Variants in PDXDC1 observed in about 807,000 individuals in gnomAD.
The protein encoded by PDXDC1 is pyridoxal-dependent decarboxylase domain-containing protein 1.
A neutral mutation model predicts 100.1 loss-of-function variants in PDXDC1; 42 were observed. The observed-to-expected ratio is 0.42, with a 90% CI of 0.33 to 0.54. PDXDC1 has a LOEUF of 0.54. PDXDC1 is among the 20% of genes least tolerant of loss of function. PDXDC1 has a pLI of 0.10. For synonymous variants in PDXDC1, 260 were observed against 371.7 expected (o/e 0.70, Z 3.46); for missense variants, 636 against 979.2 (o/e 0.65, Z 4.68).
At chr16:15,140,875 G>A (rs1201837346), downstream of PDXDC1, among the ~76,000 whole-genome samples, 1 of 152,018 alleles carries the variant, frequency 6.6e-6, no homozygotes, top group Non-Finnish European at 1.5e-5. Context: ...CTGCTCCCCA[G>A]GACCCCGAGA....
intron 1 of PDXDC1, among the ~76,000 whole-genome samples, chr16:14,983,368 C>T (rs776076162): frequency 3.9e-4 from 60 of 152,296 alleles, no homozygotes; most frequent in African/African-American, 1.2e-3. Context: ...GTCAGGAGAT[C>T]GAGGCCATCA....
At position 15,036,415 on chromosome 16, in the gene PDXDC1, T is replaced by A; in HGVS notation, c.*140T>A. The A allele has an allele frequency of 1.2e-6, 1 of 819,506 alleles. No homozygotes were observed. Among genetic ancestry groups the A allele is most frequent in the Non-Finnish European group, 1.9e-6 (1 of 520,558 alleles). The allele number at this position is 819,506 out of a possible 1,614,324, so 50.8% of individuals were successfully genotyped here. A position where few individuals can be genotyped will look rare whatever the true frequency, so the allele number is the denominator to read the frequency against. ...TGGGATTTTGGCACAAATATGTGCC[T>A]GAAAGGTAGGCTTTCTAGGAGGGGA... is the stretch of plus-strand genomic sequence containing the variant. On this transcript the variant is annotated 3_prime_UTR_variant, in exon 23 of 23. Transcript: ENST00000396410.
intron 16 of PDXDC1, chr16:15,061,899 C>T: frequency 1.2e-6 from 2 of 1,611,208 alleles, no homozygotes; most frequent in Non-Finnish European, 1.7e-6. Context: ...TCATCTTCCA[C>T]TATGTCCTGC....
In PDXDC1 at chr16:15,093,787, G is replaced by A. The variant is rs113430477; in HGVS notation, c.1400-45092G>A. Among the ~76,000 whole-genome samples the A allele has an allele frequency of 1.7e-3, 260 of 152,240 alleles. 1 individual carries two copies. The highest frequency in any genetic ancestry group is 4.9e-3 in the African/African-American group (202 of 41,542). On this transcript the variant is annotated intron_variant, in intron 16 of 16. Coordinates refer to the PDXDC1 transcript ENST00000535621. ...TAATATTCAATTTGCCATGAGTGAC[G>A]ACGTTCGGCTGATAACCCACATAGC...
chr16:15,068,474 A>AT (rs2045075504), intron 16 of PDXDC1, among the ~76,000 whole-genome samples: 1 of 152,206 alleles, frequency 6.6e-6, no homozygotes, highest in Admixed American at 6.5e-5. Context: ...AACCACATTC[A>AT]TTGGTCACCA....
chr16:15,007,759 T>G (rs918561514), intron 6 of PDXDC1, among the ~76,000 whole-genome samples: 1 of 152,270 alleles, frequency 6.6e-6, no homozygotes, highest in Non-Finnish European at 1.5e-5. Flanking sequence ...AAACGTGAAA[T>G]GAATTACTTA....
In PDXDC1 at chr16:15,119,408, A is replaced by ATT. The variant is rs1203506902; in HGVS notation, c.1400-19464_1400-19463dup. 1.2e-3 allele frequency among the ~76,000 whole-genome samples: 168 copies of ATT among 139,588 alleles called. 1 individual carries two copies. Among genetic ancestry groups the ATT allele is most frequent in the Middle Eastern group, 4.1e-3 (1 of 244 alleles). The allele number at this position is 139,588 out of a possible 152,430, so 91.6% of individuals were successfully genotyped here. A position where few individuals can be genotyped will look rare whatever the true frequency, so the allele number is the denominator to read the frequency against. ...ATAGCTGATGATCTAAAAAAAAAAA[A>ATT]TTTTTTTTGTTTTTTTTTTTTTTGA... On this transcript the variant is annotated intron_variant, in intron 16 of 16. Coordinates refer to the PDXDC1 transcript ENST00000535621.
chr16:15,028,396 C>G (rs1437732415), intron 14 of PDXDC1, among the ~76,000 whole-genome samples: 3 of 152,296 alleles, frequency 2.0e-5, no homozygotes, highest in Non-Finnish European at 4.4e-5. Context: ...ACTTGTGACA[C>G]TAACAACCAC....
intron 16 of PDXDC1, among the ~76,000 whole-genome samples, chr16:15,117,760 C>CT (rs1245620664): frequency 1.3e-4 from 13 of 98,814 alleles, no homozygotes; most frequent in Non-Finnish European, 2.4e-4. Context: ...CTGTTCAGGA[C>CT]TAAGTGGCAT....
At chr16:15,077,335 G>C (rs182678399) in intron 16 of PDXDC1, among the ~76,000 whole-genome samples, 1 of 152,076 alleles carries the variant, frequency 6.6e-6, no homozygotes, top group Admixed American at 6.6e-5. Flanking sequence ...GCTGGGGGGG[G>C]ACTGGTGGGA....
intron 6 of PDXDC1, among the ~76,000 whole-genome samples, chr16:15,007,346 T>A (rs2040869518): frequency 6.6e-6 from 1 of 152,228 alleles, no homozygotes; most frequent in Admixed American, 6.5e-5. Context: ...AATTTTTTTG[T>A]ATTTTTTTTA....
intron 1 of PDXDC1, among the ~76,000 whole-genome samples, chr16:14,995,752 C>T (rs562897394): frequency 3.9e-5 from 6 of 152,402 alleles, no homozygotes; most frequent in South Asian, 4.1e-4. Flanking sequence ...TAGAATTTGG[C>T]TGTGAATCCC....
intron 16 of PDXDC1, chr16:15,061,770 A>G (rs1159883441): frequency 1.2e-6 from 2 of 1,613,852 alleles, no homozygotes; most frequent in Non-Finnish European, 1.7e-6. Flanking sequence ...TGCATGTACA[A>G]CACGGGTGGG....
At chr16:15,143,385 C>T (rs1208967867), downstream of PDXDC1, among the ~76,000 whole-genome samples, 2 of 152,222 alleles carry the variant, frequency 1.3e-5, no homozygotes, top group Non-Finnish European at 2.9e-5. Context: ...GGGGCCACGT[C>T]CCAGGGCTGT....
chr16:15,078,894 C>A (rs527760862), intron 16 of PDXDC1, among the ~76,000 whole-genome samples: 1 of 150,802 alleles, frequency 6.6e-6, no homozygotes, highest in South Asian at 2.1e-4. Context: ...TCACTGCAAG[C>A]TCCACCTCCC....
At position 15,031,729 on chromosome 16, in the gene PDXDC1, C is replaced by A. The variant is rs373417584; in HGVS notation, c.1400-6C>A. ...AGCATTTCTCTGACATTGTGAACAT[C>A]TTCAGTTTTAGGAACTCGGGGAGAG... On this transcript the variant is annotated splice_polypyrimidine_tract_variant and splice_region_variant and intron_variant, in intron 16 of 22. Transcript: ENST00000396410. 3.1e-5 allele frequency: 50 copies of A among 1,606,146 alleles called. No homozygotes were observed. The highest frequency in any genetic ancestry group is 4.1e-5 in the Non-Finnish European group (48 of 1,173,870).
At chr16:14,981,678 A>T (rs1406035055) in intron 1 of PDXDC1, among the ~76,000 whole-genome samples, 2 of 152,300 alleles carry the variant, frequency 1.3e-5, no homozygotes, top group African/African-American at 2.4e-5. Flanking sequence ...TGGAACACGG[A>T]GTTGGATCTC....
the PDXDC1 span, among the ~76,000 whole-genome samples, chr16:15,146,986 C>A: frequency 2.0e-5 from 3 of 152,094 alleles, no homozygotes; most frequent in African/African-American, 7.2e-5. Context: ...AAGTCTGACT[C>A]CAGGGCGCAA....
In PDXDC1 at chr16:15,080,094, T is replaced by C. The variant is rs200026956; in HGVS notation, c.1399+50038T>C. 1.3e-5 allele frequency: 20 copies of C among 1,593,866 alleles called. No individual in the cohort carries two copies. The East Asian group carries it at 4.3e-4, about 34-fold the overall frequency. The stretch of plus-strand genomic sequence containing the variant: ...TCCTTAGTAAGTTATGAACGTAACA[T>C]TCCTAAAGGAGAAAATGTAAGATAA... On this transcript the variant is annotated intron_variant, in intron 16 of 16. Transcript: ENST00000535621.
Sources: gnomAD v4.1 joint callset for allele counts (sites outside exome capture counted in the v4.1 genomes callset) on GRCh38, gnomAD v4.1.1 for gene constraint, MANE v1.5 for transcripts, NCBI Gene and HGNC (gene_info 2026-07-23, HGNC 2026-07-21) for gene names.